Variants in SCAF8 observed in about 807,000 individuals in gnomAD.
The protein encoded by SCAF8 is SR-related and CTD-associated factor 8.
Under a neutral mutation model 140.5 loss-of-function variants are expected in SCAF8, and 23 were observed. The ratio of observed to expected loss-of-function variants is 0.16; its 90% CI spans 0.12 to 0.23. The LOEUF is 0.23. Among genes scored for constraint, SCAF8 ranks in the 10% least tolerant of loss-of-function variants. The pLI, the probability that SCAF8 is intolerant of heterozygous loss-of-function variation, is 1.00. For missense variants in SCAF8, 1,397 were observed against 1,555.7 expected (o/e 0.90, Z 1.72); for synonymous variants, 575 against 528.9 (o/e 1.09, Z -1.20).
chr6:154,759,562 C>T (rs529401515), intron 1 of SCAF8, among the ~76,000 whole-genome samples: 4 of 151,748 alleles, frequency 2.6e-5, no homozygotes, highest in South Asian at 4.2e-4. Context: ...AATGAGAAAG[C>T]GTATGAGCAT....
chr6:154,809,076 A>G (rs1778009127), intron 11 of SCAF8, among the ~76,000 whole-genome samples: 2 of 152,192 alleles, frequency 1.3e-5, no homozygotes, highest in African/African-American at 4.8e-5. Context: ...ATGACACCCA[A>G]TTTAGAATAT....
In SCAF8 at chr6:154,733,848, G is replaced by A; in HGVS notation, c.-53G>A. On this transcript the variant is annotated 5_prime_UTR_variant, in exon 1 of 20. Coordinates refer to ENST00000367178, the MANE Select transcript of SCAF8 (RefSeq NM_014892.5). ...CCGCGTCTCGCTCTCCCCACCCAGTGCAGTGGCCGCCGCCTCTTCCGCCGC... is the reference window on the plus strand; with the variant it reads ...CCGCGTCTCGCTCTCCCCACCCAGTACAGTGGCCGCCGCCTCTTCCGCCGC... 2 of 1,541,506 alleles carry A rather than the reference G, an allele frequency of 1.3e-6. No homozygotes were observed. Among genetic ancestry groups the A allele is most frequent in the Middle Eastern group, 1.8e-4 (1 of 5,578 alleles).
At chr6:154,819,210 A>G (rs1241479077) in intron 14 of SCAF8, among the ~76,000 whole-genome samples, 5 of 152,204 alleles carry the variant, frequency 3.3e-5, no homozygotes, top group South Asian at 2.1e-4. Flanking sequence ...TAAAGTTAAT[A>G]TATGCTCATC....
intron 1 of SCAF8, among the ~76,000 whole-genome samples, chr6:154,753,435 C>G (rs906850655): frequency 1.9e-4 from 28 of 148,568 alleles, no homozygotes; most frequent in African/African-American, 5.8e-4. Flanking sequence ...CCATTGCACT[C>G]CAGCCTGGGC....
At position 154,808,209 on chromosome 6, in the gene SCAF8, T is replaced by C. The variant is rs1338559468; in HGVS notation, c.1113+8T>C. The C allele has an allele frequency of 6.2e-7, 1 of 1,610,578 alleles. No individual in the cohort carries two copies. On this transcript the variant is annotated splice_region_variant and intron_variant, in intron 10 of 19. Transcript: ENST00000367178. ...ATAGATATTCAGCAACAGGTAAAAG[T>C]AAATGTTTTTCTGGGTCATAAATTT... is the stretch of plus-strand genomic sequence containing the variant.
chr6:154,771,225 A>C (rs969823807), intron 1 of SCAF8, among the ~76,000 whole-genome samples: 2 of 152,262 alleles, frequency 1.3e-5, no homozygotes, highest in African/African-American at 2.4e-5. Flanking sequence ...ATGATAGCAC[A>C]AAGAAAGCAT....
intron 1 of SCAF8, among the ~76,000 whole-genome samples, chr6:154,741,573 A>ATT (rs1358722065): frequency 6.6e-6 from 1 of 151,984 alleles, no homozygotes; most frequent in African/African-American, 2.4e-5. Context: ...CACCCGGCTA[A>ATT]TTTTTGTAAT....
chr6:154,755,080 T>A (rs1254907150), intron 1 of SCAF8, among the ~76,000 whole-genome samples: 4 of 152,194 alleles, frequency 2.6e-5, no homozygotes, highest in East Asian at 1.9e-4. Context: ...AATTATTTTT[T>A]AAAAAATGTA....
intron 3 of SCAF8, among the ~76,000 whole-genome samples, chr6:154,784,925 G>A (rs1032491182): frequency 2.6e-5 from 4 of 152,260 alleles, no homozygotes; most frequent in Admixed American, 2.0e-4. Flanking sequence ...TCAAGAAGTA[G>A]AACTTTGAAG....
At chr6:154,753,341 C>T (rs1310133108) in intron 1 of SCAF8, among the ~76,000 whole-genome samples, 1 of 152,160 alleles carries the variant, frequency 6.6e-6, no homozygotes, top group African/African-American at 2.4e-5. Flanking sequence ...GTGGCGCACA[C>T]CTGTAATCCC....
chr6:154,778,072 G>A (rs374353794), intron 3 of SCAF8, 27 bp downstream of exon 3: 73 of 1,356,062 alleles, frequency 5.4e-5, no homozygotes, highest in Non-Finnish European at 7.5e-5. Flanking sequence ...CCATACATGT[G>A]CTGTAATTGT....
intron 1 of SCAF8, among the ~76,000 whole-genome samples, chr6:154,773,415 C>T (rs761375400): frequency 2.0e-5 from 3 of 152,006 alleles, no homozygotes; most frequent in South Asian, 2.1e-4. Flanking sequence ...CATATTTCGT[C>T]GAATAGATAC....
At chr6:154,745,371 G>GT (rs1172400874) in intron 1 of SCAF8, among the ~76,000 whole-genome samples, 1 of 152,076 alleles carries the variant, frequency 6.6e-6, no homozygotes, top group African/African-American at 2.4e-5. Flanking sequence ...TAGAGCTTTT[G>GT]TTTATTATTT....
chr6:154,807,609 C>T (rs181197688), intron 9 of SCAF8, among the ~76,000 whole-genome samples: 4 of 152,100 alleles, frequency 2.6e-5, no homozygotes, highest in Non-Finnish European at 5.9e-5. Context: ...TTGAACTTCT[C>T]ACCTCGTGAT....
Position 154,832,274 on chromosome 6 carries a change from A to G in SCAF8, c.2695A>G (p.Thr899Ala), listed in dbSNP as rs1309076409. Residue 899 changes from threonine (T) to alanine (A), a missense_variant, in exon 20 of 20, where the codon ACA (threonine) becomes GCA (alanine). Thr to Ala is a moderately conservative substitution (Grantham distance 58). This residue lies in a region of SCAF8 where 930 missense variants were observed against 874.6 expected (regional missense o/e 1.06). Coordinates refer to ENST00000367178, the MANE Select transcript of SCAF8 (RefSeq NM_014892.5). ...NVPNTPGLLGTQPPAGPQNLP... is the reference protein window; with the variant it reads ...NVPNTPGLLGAQPPAGPQNLP... ...TCCAAATACTCCTGGACTTCTGGGA[A>G]CACAGCCACCAGCTGGACCTCAAAA... The G allele has an allele frequency of 1.1e-5, 17 of 1,614,044 alleles. No individual in the cohort carries two copies. Among genetic ancestry groups the G allele is most frequent in the Non-Finnish European group, 1.3e-5 (15 of 1,180,024 alleles).
rs147069918 is a variant in SCAF8, at chr6:154,733,833, C to T, written c.-68C>T. 4.3e-3 allele frequency: 6,520 copies of T among 1,510,200 alleles called. 14 individuals carry two copies. Among genetic ancestry groups the T allele is most frequent in the Non-Finnish European group, 5.3e-3 (5,970 of 1,134,450 alleles). The allele number at this position is 1,510,200 out of a possible 1,614,324, so 93.5% of individuals were successfully genotyped here. On this transcript the variant is annotated 5_prime_UTR_variant, in exon 1 of 20. Coordinates refer to ENST00000367178, the MANE Select transcript of SCAF8 (RefSeq NM_014892.5). Reference sequence around the variant, plus strand: ...CGGCCACGCAGCAGCCCGCGTCTCGCTCTCCCCACCCAGTGCAGTGGCCGC... The same window carrying T: ...CGGCCACGCAGCAGCCCGCGTCTCGTTCTCCCCACCCAGTGCAGTGGCCGC...
At chr6:154,784,151 A>ATTTATTTATT (rs1554260671) in intron 3 of SCAF8, among the ~76,000 whole-genome samples, 2 of 97,580 alleles carry the variant, frequency 2.0e-5, no homozygotes, top group South Asian at 3.6e-4. Context: ...ATATATATAT[A>ATTTATTTATT]TATATATTTA....
At position 154,833,917 on chromosome 6, in the gene SCAF8, C is replaced by G. The variant is rs2114705530; in HGVS notation, c.*522C>G. Reference sequence around the variant, plus strand: ...AAAATCTACACTACGGTCTCTGTTTCTCCAAAGTAAGTGTTTGTGATTTGT... The same window carrying G: ...AAAATCTACACTACGGTCTCTGTTTGTCCAAAGTAAGTGTTTGTGATTTGT... On this transcript the variant is annotated 3_prime_UTR_variant, in exon 20 of 20. Transcript: ENST00000367178. 1 of 152,676 alleles carries G rather than the reference C, an allele frequency of 6.5e-6. No individual in the cohort carries two copies. The highest frequency in any genetic ancestry group is 1.9e-4 in the East Asian group (1 of 5,178). The allele number at this position is 152,676 out of a possible 1,614,324, so 9.5% of individuals were successfully genotyped here.
At position 154,815,757 on chromosome 6, in the gene SCAF8, G is replaced by T. The variant is rs1347532258; in HGVS notation, c.1462G>T (p.Ala488Ser). 3 of 1,613,022 alleles carry T rather than the reference G, an allele frequency of 1.9e-6. No homozygotes were observed. The highest frequency in any genetic ancestry group is 2.5e-6 in the Non-Finnish European group (3 of 1,179,382). ...CTGGGTTGGGCAAGTGGACAAGAAG[G>T]CAACACAGCAAGACTTAACCAACCT... ...TLWVGQVDKK[A>S]TQQDLTNLFE... is the part of the protein sequence containing the mutation. Residue 488 changes from alanine to serine, a missense_variant, in exon 13 of 20, where the codon GCA becomes TCA. Coordinates refer to ENST00000367178, the MANE Select transcript of SCAF8 (RefSeq NM_014892.5).
Sources: gnomAD v4.1 joint callset for allele counts (sites outside exome capture counted in the v4.1 genomes callset) on GRCh38, gnomAD v4.1.1 for gene constraint, gnomAD v4.1.1 regional missense constraint, MANE v1.5 for transcripts, NCBI Gene and HGNC (gene_info 2026-07-23, HGNC 2026-07-21) for gene names.